Variants in LSAMP observed in about 807,000 individuals in gnomAD.
LSAMP encodes the protein limbic system associated membrane protein, also known as limbic system-associated membrane protein.
A neutral mutation model predicts 38.6 loss-of-function variants in LSAMP; 7 were observed. That is an observed-to-expected ratio of 0.18 (90% CI 0.10 to 0.34). The LOEUF is 0.34. LSAMP is among the 10% of genes least tolerant of loss of function. The pLI, the probability that LSAMP is intolerant of heterozygous loss-of-function variation, is 1.00. For synonymous variants in LSAMP, 154 were observed against 166.8 expected (o/e 0.92, Z 0.59); for missense variants, 313 against 420.0 (o/e 0.75, Z 2.23).
chr3:116,089,568 AG>A (rs1383243106), intron 1 of LSAMP, among the ~76,000 whole-genome samples: 9 of 152,142 alleles, frequency 5.9e-5, no homozygotes, highest in Non-Finnish European at 1.2e-4. Flanking sequence ...CGTGTTAGCC[AG>A]GATGGTCTCA....
intron 3 of LSAMP, among the ~76,000 whole-genome samples, chr3:115,861,172 T>C (rs1314325367): frequency 7.5e-6 from 1 of 134,134 alleles, no homozygotes; most frequent in Non-Finnish European, 1.6e-5. Context: ...CTTCCTTCCT[T>C]CCTTCCTTCC....
At chr3:115,980,747 G>GC in intron 3 of LSAMP, among the ~76,000 whole-genome samples, 1 of 152,256 alleles carries the variant, frequency 6.6e-6, no homozygotes, top group South Asian at 2.1e-4. Context: ...GAAAGGACAA[G>GC]CCCCAAGGTC....
At chr3:115,919,610 T>C (rs1451716998) in intron 3 of LSAMP, among the ~76,000 whole-genome samples, 1 of 151,944 alleles carries the variant, frequency 6.6e-6, no homozygotes, top group Non-Finnish European at 1.5e-5. Flanking sequence ...ACAAAACAGG[T>C]TATTTATTTA....
intron 1 of LSAMP, 23 bp downstream of exon 1, chr3:116,444,854 G>A (rs1346536517): frequency 6.2e-7 from 1 of 1,613,532 alleles, no homozygotes; most frequent in East Asian, 2.2e-5. Flanking sequence ...GCGCGCAGCA[G>A]AAAAGTTGCC....
At chr3:116,012,478 CTG>C (rs923739911) in intron 3 of LSAMP, among the ~76,000 whole-genome samples, 11 of 152,110 alleles carry the variant, frequency 7.2e-5, no homozygotes, top group African/African-American at 2.7e-4. Flanking sequence ...TATAACCAGA[CTG>C]TGGGAAAACT....
intron 1 of LSAMP, among the ~76,000 whole-genome samples, chr3:116,207,896 G>A (rs2046092948): frequency 6.6e-6 from 1 of 150,822 alleles, no homozygotes; most frequent in South Asian, 2.1e-4. Context: ...TGCTCTTCTC[G>A]AGGAGTATCT....
rs535547440 is a variant in LSAMP at position 115,871,935 on chromosome 3, G to C, written c.515-19318C>G. 3.9e-5 allele frequency among the ~76,000 whole-genome samples: 6 copies of C among 152,234 alleles called. No homozygotes were observed. The South Asian group carries it at 1.2e-3, about 32-fold the overall frequency. On this transcript the variant is annotated intron_variant, in intron 3 of 6. Transcript: ENST00000490035. The stretch of plus-strand genomic sequence containing the variant: ...TAGCAGAGGGCCTTGTGGGAAAGAA[G>C]AAAGAGTTGCAAACAGCTTAGAACA...
At chr3:116,069,826 A>C (rs1280499073) in intron 2 of LSAMP, among the ~76,000 whole-genome samples, 1 of 152,192 alleles carries the variant, frequency 6.6e-6, no homozygotes, top group Admixed American at 6.5e-5. Context: ...AAATGCTTAT[A>C]AGGTATTTCT....
intron 3 of LSAMP, among the ~76,000 whole-genome samples, chr3:116,012,217 A>G (rs1247960463): frequency 2.0e-5 from 3 of 152,072 alleles, no homozygotes; most frequent in Non-Finnish European, 4.4e-5. Context: ...GGTCACTTTG[A>G]TTTTTAAATA....
intron 2 of LSAMP, among the ~76,000 whole-genome samples, chr3:116,034,081 C>T (rs1940993145): frequency 6.6e-6 from 1 of 151,882 alleles, no homozygotes; most frequent in African/African-American, 2.4e-5. Flanking sequence ...CTCTATGTCC[C>T]ATTACAAGCA....
rs1933596414 is a variant in LSAMP at position 115,804,854 on chromosome 3, A to C, written c.*5463T>G. 6.6e-6 allele frequency: 1 copy of C among 152,200 alleles called. No homozygotes were observed. The highest frequency in any genetic ancestry group is 2.4e-5 in the African/African-American group (1 of 41,466). The allele number at this position is 152,200 out of a possible 1,614,324, so 9.4% of individuals were successfully genotyped here. ...ATTCAGTCCCTCACTTGCAATATTCAGGATAAATGTGTGGAAACATTAGGC... is the reference window on the plus strand; with the variant it reads ...ATTCAGTCCCTCACTTGCAATATTCCGGATAAATGTGTGGAAACATTAGGC... On this transcript the variant is annotated 3_prime_UTR_variant, in exon 7 of 7. Coordinates refer to ENST00000490035, the MANE Select transcript of LSAMP (RefSeq NM_002338.5).
At chr3:116,167,792 G>C (rs1177375726) in intron 1 of LSAMP, among the ~76,000 whole-genome samples, 3 of 152,146 alleles carry the variant, frequency 2.0e-5, no homozygotes. Context: ...AATAATGTAG[G>C]GTTATTATGT....
chr3:116,122,906 T>C (rs1044990131), intron 1 of LSAMP, among the ~76,000 whole-genome samples: 7 of 152,334 alleles, frequency 4.6e-5, no homozygotes, highest in East Asian at 1.9e-4. Context: ...TGATGCTCCC[T>C]GCCCTTAGAA....
intron 1 of LSAMP, among the ~76,000 whole-genome samples, chr3:116,413,815 G>T (rs1163595703): frequency 6.6e-6 from 1 of 151,490 alleles, no homozygotes; most frequent in East Asian, 1.9e-4. Flanking sequence ...AGAAGCAAAA[G>T]TCTTCCTAGC....
intron 1 of LSAMP, among the ~76,000 whole-genome samples, chr3:116,298,337 C>G (rs1401707910): frequency 6.6e-6 from 1 of 152,008 alleles, no homozygotes; most frequent in Admixed American, 6.6e-5. Flanking sequence ...CCAGTTTTAG[C>G]AAGTAAATCA....
intron 1 of LSAMP, among the ~76,000 whole-genome samples, chr3:116,422,190 A>T (rs1377846351): frequency 6.6e-6 from 1 of 152,244 alleles, no homozygotes; most frequent in Non-Finnish European, 1.5e-5. Flanking sequence ...AATACTTCGT[A>T]GTGTATGATT....
intron 1 of LSAMP, among the ~76,000 whole-genome samples, chr3:116,405,574 A>G (rs968278985): frequency 3.9e-5 from 6 of 152,112 alleles, no homozygotes; most frequent in African/African-American, 1.2e-4. Context: ...ACAACAAGAA[A>G]AAAACATGTA....
chr3:116,066,497 T>C (rs1291392037), intron 2 of LSAMP, among the ~76,000 whole-genome samples: 1 of 152,226 alleles, frequency 6.6e-6, no homozygotes, highest in Non-Finnish European at 1.5e-5. Flanking sequence ...TTCTGTCAGA[T>C]ATTATTGTCT....
At chr3:116,333,765 G>A (rs2047884310) in intron 1 of LSAMP, among the ~76,000 whole-genome samples, 1 of 151,680 alleles carries the variant, frequency 6.6e-6, no homozygotes, top group Non-Finnish European at 1.5e-5. Context: ...CATATTGAAA[G>A]TGCTGAGAAA....
Sources: allele counts gnomAD v4.1 joint callset (sites outside exome capture counted in the v4.1 genomes callset), GRCh38; gene constraint gnomAD v4.1.1; transcripts MANE v1.5; gene names NCBI Gene and HGNC (gene_info 2026-07-23, HGNC 2026-07-21).